SIGLEC8: variants seen among roughly 807,000 people sequenced by gnomAD.
The protein encoded by SIGLEC8 is sialic acid-binding Ig-like lectin 8.
In SIGLEC8, 32 loss-of-function variants were observed where a neutral mutation model predicts 42.1. That is an observed-to-expected ratio of 0.76 (90% confidence interval 0.57 to 1.02). The LOEUF is 1.02. SIGLEC8 is among the 50% of genes least tolerant of loss of function. The probability of loss-of-function intolerance (pLI) is 0.00; values close to 1 mark genes in which losing one functional copy is unlikely to be tolerated. For synonymous variants in SIGLEC8, 262 were observed against 260.3 expected (o/e 1.01, Z -0.06); for missense variants, 611 against 610.2 (o/e 1.00, Z -0.01).
Position 51,454,865 on chromosome 19 carries a change from C to T in SIGLEC8, c.1052-85G>A. On this transcript the variant is annotated intron_variant, in intron 4 of 6. Coordinates refer to ENST00000321424, the MANE Select transcript of SIGLEC8 (RefSeq NM_014442.3). The surrounding 1 kb of genome is among the most constrained non-coding windows in gnomAD (Gnocchi z 4.7). ...CTCCCACTGTCTGCAGGGCCCTAGA[C>T]TTCCATTCCCCTCTTCTCCTTCCCA... The T allele has an allele frequency of 1.1e-6, 1 of 920,024 alleles. No homozygotes were observed. Among genetic ancestry groups the T allele is most frequent in the Non-Finnish European group, 1.8e-6 (1 of 564,712 alleles). 57.0% of individuals were successfully genotyped at this position (920,024 alleles called of 1,614,324 possible).
rs920561347 is a variant in SIGLEC8 at position 51,452,422 on chromosome 19, C to A, written c.1457G>T (p.Cys486Phe). Residue 486 changes from cysteine (C) to phenylalanine (F), a missense_variant, in exon 7 of 7, where the codon TGT becomes TTT. Physicochemically the swap from Cys to Phe is radical, Grantham distance 205. Coordinates refer to ENST00000321424, the MANE Select transcript of SIGLEC8 (RefSeq NM_014442.3). ...HKRETAETQA[C>F]LRNHNPSSKE... ...GCTGGAGGGGTTGTGATTCCTCAAACAGGCCTGAGTCTCTGCAGTTTCTCG... is the reference window on the plus strand; with the variant it reads ...GCTGGAGGGGTTGTGATTCCTCAAAAAGGCCTGAGTCTCTGCAGTTTCTCG... 5 of 1,609,604 alleles carry A rather than the reference C, an allele frequency of 3.1e-6. No homozygotes were observed. The highest frequency in any genetic ancestry group is 4.3e-6 in the Non-Finnish European group (5 of 1,176,344).
At position 51,457,236 on chromosome 19, in the gene SIGLEC8, G is replaced by A. The variant is rs759463632; in HGVS notation, c.734-5C>T. ...TGGTCAAGTTCCAAGGAGGGTCTGG[G>A]ACAGAAAGACATGAAGACCCACATT... On this transcript the variant is annotated splice_region_variant and splice_polypyrimidine_tract_variant and intron_variant, in intron 2 of 6. Coordinates refer to ENST00000321424, the MANE Select transcript of SIGLEC8 (RefSeq NM_014442.3). 4 of 1,612,892 alleles carry A rather than the reference G, an allele frequency of 2.5e-6. No individual in the cohort carries two copies. The highest frequency in any genetic ancestry group is 3.4e-6 in the Non-Finnish European group (4 of 1,179,254).
chr19:51,452,454 G>T lies in SIGLEC8; in HGVS notation c.1425C>A (p.Ile475=). The change falls in exon 7 of 7, where the codon ATC becomes ATA. Residue 475 remains isoleucine, a synonymous_variant. Coordinates refer to ENST00000321424, the MANE Select transcript of SIGLEC8 (RefSeq NM_014442.3). ...GAGTCTCTGCAGTTTCTCGCTTGTG[G>T]ATCTTGATCTCCGAGTATTCACTGT... ...ATDSEYSEIK[I]HKRETAETQA... 1 of 1,612,898 alleles carries T rather than the reference G, an allele frequency of 6.2e-7. No homozygotes were observed. Among genetic ancestry groups the T allele is most frequent in the African/African-American group, 1.3e-5 (1 of 75,038 alleles).
chr19:51,452,879 A>G (rs964089125), intron 6 of SIGLEC8, among the ~76,000 whole-genome samples: 4 of 152,142 alleles, frequency 2.6e-5, no homozygotes, highest in African/African-American at 2.4e-5. Context: ...CTTTATAAAT[A>G]TGAAAACTGA....
At chr19:51,457,332 T>C in intron 2 of SIGLEC8, 101 bp from the exon 3 acceptor site, 1 of 1,491,260 alleles carries the variant, frequency 6.7e-7, no homozygotes, top group Non-Finnish European at 9.2e-7. Context: ...GAGTCGGCAT[T>C]CTCCTGACCC....
rs761372961 is a variant in SIGLEC8 at position 51,457,969 on chromosome 19, T to C, written c.419A>G (p.Asn140Ser). 5.0e-6 allele frequency: 8 copies of C among 1,614,038 alleles called. No individual in the cohort carries two copies. The highest frequency in any genetic ancestry group is 1.7e-5 in the Admixed American group (1 of 59,996). The change falls in exon 1 of 7, where the codon AAT (asparagine) becomes AGT (serine). Residue 140 changes from asparagine to serine, a missense_variant. Asn to Ser is a conservative substitution (Grantham distance 46). Coordinates refer to ENST00000321424, the MANE Select transcript of SIGLEC8 (RefSeq NM_014442.3). The stretch of plus-strand genomic sequence containing the variant: ...CACAGACAGCTGCTTAGTTTTGTAA[T>C]TCAACTGTGATTTGTAACTCCATTT... The part of the protein sequence containing the change: ...SMKWSYKSQL[N>S]YKTKQLSVFV...
At chr19:51,456,904 A>C (rs541187277) in intron 3 of SIGLEC8, among the ~76,000 whole-genome samples, 1 of 152,234 alleles carries the variant, frequency 6.6e-6, no homozygotes, top group Admixed American at 6.5e-5. Flanking sequence ...ACGAACAAAA[A>C]CCAAAAAAAT....
In SIGLEC8 at chr19:51,452,536, G is replaced by C; in HGVS notation, c.1343C>G (p.Ala448Gly). 6.3e-7 allele frequency: 1 copy of C among 1,595,268 alleles called. No homozygotes were observed. Among genetic ancestry groups the C allele is most frequent in the Non-Finnish European group, 8.6e-7 (1 of 1,164,414 alleles). ...CTTCACTTTATGGAAGCTGAGGGTT[G>C]CATAATGGAGCTCTCCTTCCTCCCC... ...SSGEEGELHY[A>G]TLSFHKVKPQ... The change falls in exon 7 of 7, where the codon GCA becomes GGA. Residue 448 changes from alanine (A) to glycine (G), a missense_variant. Physicochemically the swap from Ala to Gly is moderately conservative, Grantham distance 60. Coordinates refer to ENST00000321424, the MANE Select transcript of SIGLEC8 (RefSeq NM_014442.3).
Position 51,454,400 on chromosome 19 carries a change from G to A in SIGLEC8, c.1149-85C>T. The stretch of plus-strand genomic sequence containing the variant: ...CAACCCCTGCCCTGTATTTCCTACT[G>A]GGGGCTTGAGGGGTGACCGAGGCGC... On this transcript the variant is annotated intron_variant, in intron 5 of 6. Transcript: ENST00000321424. The surrounding 1 kb of genome is among the most constrained non-coding windows in gnomAD (Gnocchi z 4.7). The A allele has an allele frequency of 6.2e-7, 1 of 1,606,932 alleles. No homozygotes were observed. Among genetic ancestry groups the A allele is most frequent in the Non-Finnish European group, 8.5e-7 (1 of 1,178,012 alleles).
At position 51,458,416 on chromosome 19, in the gene SIGLEC8, A is replaced by C. The variant is rs1402530480; in HGVS notation, c.-29T>G. The C allele has an allele frequency of 6.3e-7, 1 of 1,598,764 alleles. No homozygotes were observed. Among genetic ancestry groups the C allele is most frequent in the Non-Finnish European group, 8.5e-7 (1 of 1,172,082 alleles). The stretch of plus-strand genomic sequence containing the variant: ...TGGGTTTGAAGGCGCCAGGGCCGCC[A>C]GGGAACGTCTGTTCCTCAGGGTTCT... On this transcript the variant is annotated 5_prime_UTR_variant, in exon 1 of 7. Coordinates refer to ENST00000321424, the MANE Select transcript of SIGLEC8 (RefSeq NM_014442.3).
Position 51,454,553 on chromosome 19 carries a change from G to A in SIGLEC8, c.1148+131C>T, listed in dbSNP as rs1012958846. ...CAAGGACGCTCGTGAAATGCTCACC[G>A]TGCACCCGTGAGCTCATTCTTGCCC... On this transcript the variant is annotated intron_variant, in intron 5 of 6. Coordinates refer to ENST00000321424, the MANE Select transcript of SIGLEC8 (RefSeq NM_014442.3). The surrounding 1 kb of genome is among the most constrained non-coding windows in gnomAD (Gnocchi z 4.7). 2.9e-5 allele frequency: 29 copies of A among 1,013,198 alleles called. No homozygotes were observed. Among genetic ancestry groups the A allele is most frequent in the East Asian group, 2.7e-4 (11 of 41,268 alleles). The allele number at this position is 1,013,198 out of a possible 1,614,324, so 62.8% of individuals were successfully genotyped here.
chr19:51,458,441 TTC>T lies in SIGLEC8; in HGVS notation c.-56_-55del. ...AGGGAACGTCTGTTCCTCAGGGTTCTTCTCTCAGAAACTGAGGTCTCAAGACT... is the reference window on the plus strand; with the variant it reads ...AGGGAACGTCTGTTCCTCAGGGTTCTTCTCAGAAACTGAGGTCTCAAGACT... On this transcript the variant is annotated 5_prime_UTR_variant, in exon 1 of 7. Coordinates refer to ENST00000321424, the MANE Select transcript of SIGLEC8 (RefSeq NM_014442.3). 6.4e-7 allele frequency: 1 copy of T among 1,566,100 alleles called. No homozygotes were observed. Among genetic ancestry groups the T allele is most frequent in the Non-Finnish European group, 8.7e-7 (1 of 1,154,346 alleles).
rs1267331949 is a variant in SIGLEC8 at position 51,452,317 on chromosome 19, G to A, written c.*62C>T. The A allele has an allele frequency of 2.1e-6, 3 of 1,419,580 alleles. No individual in the cohort carries two copies. Among genetic ancestry groups the A allele is most frequent in the Non-Finnish European group, 2.9e-6 (3 of 1,048,450 alleles). The allele number at this position is 1,419,580 out of a possible 1,614,324, so 87.9% of individuals were successfully genotyped here. ...GGTCCAAGTTTTGGTTAGACAGGAG[G>A]AGGGAGCCCTGGTGACCTACTGCAT... On this transcript the variant is annotated 3_prime_UTR_variant, in exon 7 of 7. Coordinates refer to ENST00000321424, the MANE Select transcript of SIGLEC8 (RefSeq NM_014442.3).
At position 51,458,200 on chromosome 19, in the gene SIGLEC8, T is replaced by C. The variant is rs747824401; in HGVS notation, c.188A>G (p.His63Arg). The C allele has an allele frequency of 1.2e-6, 2 of 1,613,962 alleles. No individual in the cohort carries two copies. Among genetic ancestry groups the C allele is most frequent in the Non-Finnish European group, 8.5e-7 (1 of 1,180,026 alleles). ...QDGWTDSDPVHGYWFRAGDRP... is the reference protein window; with the variant it reads ...QDGWTDSDPVRGYWFRAGDRP... Reference sequence around the variant, plus strand: ...GTCTCCTGCCCGGAACCAGTAGCCATGAACTGGGTCAGAGTCAGTCCAGCC... The same window carrying C: ...GTCTCCTGCCCGGAACCAGTAGCCACGAACTGGGTCAGAGTCAGTCCAGCC... The change falls in exon 1 of 7, where the codon CAT becomes CGT. Residue 63 changes from histidine (H) to arginine (R), a missense_variant. By Grantham distance (29) the His-to-Arg change is conservative. Transcript: ENST00000321424.
At chr19:51,453,996 C>T in intron 6 of SIGLEC8, 1 of 985,230 alleles carries the variant, frequency 1.0e-6, no homozygotes, top group South Asian at 4.7e-5. Flanking sequence ...AAAAGGAGGA[C>T]AGAGAGGAGA....
intron 6 of SIGLEC8, among the ~76,000 whole-genome samples, chr19:51,453,188 A>G (rs750631116): frequency 7.9e-5 from 12 of 151,958 alleles, no homozygotes; most frequent in Non-Finnish European, 1.6e-4. Flanking sequence ...TCCTGGGCTC[A>G]AGGGATCATT....
In SIGLEC8 at chr19:51,454,518, G is replaced by T. The variant is rs1286510738; in HGVS notation, c.1148+166C>A. ...GGCCCGAGGTTGCTACAGATGTGGAGCCCCACAGACAAGGACGCTCGTGAA... is the reference window on the plus strand; with the variant it reads ...GGCCCGAGGTTGCTACAGATGTGGATCCCCACAGACAAGGACGCTCGTGAA... On this transcript the variant is annotated intron_variant, in intron 5 of 6. Transcript: ENST00000321424. This position sits in a 1 kb window ranked among gnomAD's most constrained non-coding sequence, Gnocchi z 4.7. Among the ~76,000 whole-genome samples the T allele has an allele frequency of 1.3e-5, 2 of 152,180 alleles. No homozygotes were observed. The highest frequency in any genetic ancestry group is 2.4e-5 in the African/African-American group (1 of 41,448).
Position 51,453,332 on chromosome 19 carries a change from C to T in SIGLEC8, c.1246-699G>A, listed in dbSNP as rs1054198433. 4 of 962,708 alleles carry T rather than the reference C, an allele frequency of 4.2e-6. No homozygotes were observed. In the African/African-American group the frequency reaches 5.3e-5, roughly 13 times the overall value. The allele number at this position is 962,708 out of a possible 1,614,324, so 59.6% of individuals were successfully genotyped here. A position where few individuals can be genotyped will look rare whatever the true frequency, so the allele number is the denominator to read the frequency against. ...CTCAAACTCCTGGGCTCAAGCGATC[C>T]TCCTACCTTGGCCTCCCAAAGTGGC... is the stretch of plus-strand genomic sequence containing the variant. On this transcript the variant is annotated intron_variant, in intron 6 of 6. Transcript: ENST00000321424.
At position 51,455,690 on chromosome 19, in the gene SIGLEC8, G is replaced by T. The variant is rs1372255297; in HGVS notation, c.782-3C>A. 1.2e-6 allele frequency: 2 copies of T among 1,611,856 alleles called. No individual in the cohort carries two copies. Among genetic ancestry groups the T allele is most frequent in the African/African-American group, 1.3e-5 (1 of 74,798 alleles). On this transcript the variant is annotated splice_region_variant and splice_polypyrimidine_tract_variant and intron_variant, in intron 3 of 6. Transcript: ENST00000321424. ...GCCATTTCCCAGGGCTGTGGATGCT[G>T]CAGAGAAAGAGACAGAGGGTCATCC...
Sources: allele counts gnomAD v4.1 joint callset (sites outside exome capture counted in the v4.1 genomes callset), GRCh38; gene constraint gnomAD v4.1.1; non-coding constraint Gnocchi (gnomAD v3.1); transcripts MANE v1.5; gene names NCBI Gene and HGNC (gene_info 2026-07-23, HGNC 2026-07-21).